The following PCBP2 variants were observed in gnomAD, a reference collection of about 807,000 sequenced individuals.
The protein encoded by PCBP2 is poly(rC)-binding protein 2.
Under a neutral mutation model 50.1 loss-of-function variants are expected in PCBP2, and 4 were observed. The observed-to-expected ratio is 0.08, with a 90% CI of 0.04 to 0.18. The LOEUF (loss-of-function observed/expected upper bound fraction) is 0.18. PCBP2 is among the 10% of genes least tolerant of loss of function. The probability of loss-of-function intolerance (pLI) is 1.00; values close to 1 mark genes in which losing one functional copy is unlikely to be tolerated. For synonymous variants in PCBP2, 179 were observed against 168.0 expected, an observed-to-expected ratio of 1.07 and a Z score of -0.51; for missense variants, 161 against 474.3, an observed-to-expected ratio of 0.34 and a Z score of 6.14.
intron 2 of PCBP2, 40 bp from the exon 3 acceptor site, chr12:53,455,306 TC>T: frequency 6.3e-7 from 1 of 1,582,426 alleles, no homozygotes; most frequent in African/African-American, 1.3e-5. Context: ...AAGGAATACT[TC>T]TGAGTTTCCT....
chr12:53,468,062 G>A (rs868049927), intron 12 of PCBP2: 29 of 549,056 alleles, frequency 5.3e-5, no homozygotes, highest in Non-Finnish European at 9.0e-5. Context: ...GCTGAGATCA[G>A]GACTAAGCTT....
At chr12:53,452,456 C>G (rs1940607238) in intron 1 of PCBP2, 80 bp downstream of exon 1, 2 of 151,086 alleles carry the variant, frequency 1.3e-5, no homozygotes, top group Admixed American at 6.6e-5. Flanking sequence ...GGCTCGGGTC[C>G]TAGTCACGAG....
chr12:53,461,897 C>G (rs563052341), intron 7 of PCBP2, among the ~76,000 whole-genome samples: 6 of 151,948 alleles, frequency 3.9e-5, no homozygotes, highest in African/African-American at 1.5e-4. Context: ...TTTGTAGAGA[C>G]GGGATTTTGC....
intron 13 of PCBP2, 53 bp downstream of exon 13, chr12:53,468,885 AATAG>A: frequency 7.4e-7 from 1 of 1,346,112 alleles, no homozygotes; most frequent in Non-Finnish European, 1.1e-6. Context: ...ACTGTAAAGA[AATAG>A]ATGTCGTTTC....
At position 53,468,019 on chromosome 12, in the gene PCBP2, C is replaced by T. The variant is rs957340718; in HGVS notation, c.826+176C>T. 5 of 601,032 alleles carry T rather than the reference C, an allele frequency of 8.3e-6. No individual in the cohort carries two copies. In the African/African-American group the frequency reaches 9.3e-5, roughly 11 times the overall value. The allele number at this position is 601,032 out of a possible 1,614,324, so 37.2% of individuals were successfully genotyped here. On this transcript the variant is annotated intron_variant, in intron 12 of 14. Transcript: ENST00000546463. The stretch of plus-strand genomic sequence containing the variant: ...AGGGTCCCTTGATGGATCTGGCCAA[C>T]CCCCTTCTAAAAATGATGAGACAGC...
At chr12:53,468,249 T>G (rs1034821449) in intron 12 of PCBP2, 2 of 197,338 alleles carry the variant, frequency 1.0e-5, no homozygotes, top group African/African-American at 4.7e-5. Flanking sequence ...CTCACCTGAC[T>G]GCCATTTCAT....
chr12:53,477,414 C>T (rs1304645040), intron 14 of PCBP2, among the ~76,000 whole-genome samples: 1 of 152,050 alleles, frequency 6.6e-6, no homozygotes, highest in Non-Finnish European at 1.5e-5. Context: ...GCCTGTAATC[C>T]CAGCACTTTG....
intron 14 of PCBP2, among the ~76,000 whole-genome samples, chr12:53,476,850 A>G (rs1179184303): frequency 6.6e-6 from 1 of 152,106 alleles, no homozygotes; most frequent in East Asian, 1.9e-4. Flanking sequence ...TCCCTTGGTA[A>G]GCTTGCTCCT....
chr12:53,469,406 A>G (rs1359368069), intron 13 of PCBP2, among the ~76,000 whole-genome samples: 2 of 152,148 alleles, frequency 1.3e-5, no homozygotes, highest in South Asian at 2.1e-4. Flanking sequence ...ATGACGAGAC[A>G]GCAGTAACTT....
chr12:53,456,398 T>C (rs769007785), intron 5 of PCBP2, among the ~76,000 whole-genome samples: 2 of 149,610 alleles, frequency 1.3e-5, no homozygotes, highest in African/African-American at 2.5e-5. Context: ...GCGGAGGTTG[T>C]GGTGAGCCGA....
chr12:53,475,407 T>C (rs1203490464), intron 14 of PCBP2: 2 of 334,872 alleles, frequency 6.0e-6, no homozygotes, highest in African/African-American at 4.3e-5. Context: ...AGTGCCTGTT[T>C]CAGGGTCTGA....
intron 8 of PCBP2, chr12:53,464,515 G>A: frequency 2.2e-6 from 1 of 459,632 alleles, no homozygotes; most frequent in Non-Finnish European, 3.8e-6. Flanking sequence ...ACCAGGAGCT[G>A]GCATCAGCTC....
chr12:53,471,313 C>A (rs867504030), intron 13 of PCBP2, among the ~76,000 whole-genome samples: 1 of 149,856 alleles, frequency 6.7e-6, no homozygotes, highest in Non-Finnish European at 1.5e-5. Context: ...GGTTCGGTGG[C>A]TTATACCTGT....
At chr12:53,453,117 C>T (rs1377454542) in intron 1 of PCBP2, 1 of 151,612 alleles carries the variant, frequency 6.6e-6, no homozygotes, top group Non-Finnish European at 1.5e-5. Context: ...GAGGGAAATT[C>T]GACAAATTTC....
chr12:53,464,498 C>T, intron 8 of PCBP2: 1 of 422,894 alleles, frequency 2.4e-6, no homozygotes, highest in Admixed American at 4.3e-5. Flanking sequence ...AACTTAATCC[C>T]ACACTGACCA....
rs1943001296 is a variant in PCBP2 at position 53,480,823 on chromosome 12, C to T, written c.*1381C>T. 6.6e-6 allele frequency: 1 copy of T among 152,566 alleles called. No homozygotes were observed. Among genetic ancestry groups the T allele is most frequent in the African/African-American group, 2.4e-5 (1 of 41,386 alleles). The allele number at this position is 152,566 out of a possible 1,614,324, so 9.5% of individuals were successfully genotyped here. A position where few individuals can be genotyped will look rare whatever the true frequency, so the allele number is the denominator to read the frequency against. ...AGAAAAGTGCAGTCTAAGTGGTTTT[C>T]TCTCCTGCCCCTCCCACCGCCCCTC... On this transcript the variant is annotated 3_prime_UTR_variant, in exon 15 of 15. Transcript: ENST00000546463.
At chr12:53,465,095 C>T (rs991389800) in intron 9 of PCBP2, 2 of 363,822 alleles carry the variant, frequency 5.5e-6, no homozygotes, top group Non-Finnish European at 9.7e-6. Context: ...CCCTCTCCCA[C>T]TCCTCCCACC....
intron 5 of PCBP2, among the ~76,000 whole-genome samples, chr12:53,456,632 C>G (rs749302158): frequency 5.9e-5 from 9 of 152,174 alleles, no homozygotes; most frequent in Non-Finnish European, 1.2e-4. Context: ...AAATAATCTT[C>G]CAATCCTGAT....
chr12:53,479,667 C>CCTGGTTTTTTTTTTTTT lies in PCBP2; in HGVS notation c.*241_*242insTCTGGTTTTTTTTTTTT, dbSNP rs1942920656. 1.6e-5 allele frequency: 1 copy of CCTGGTTTTTTTTTTTTT among 63,676 alleles called. No individual in the cohort carries two copies. Among genetic ancestry groups the CCTGGTTTTTTTTTTTTT allele is most frequent in the Admixed American group, 4.6e-4 (1 of 2,176 alleles). The allele number at this position is 63,676 out of a possible 1,614,324, so 3.9% of individuals were successfully genotyped here. A position where few individuals can be genotyped will look rare whatever the true frequency, so the allele number is the denominator to read the frequency against. On this transcript the variant is annotated 3_prime_UTR_variant, in exon 15 of 15. Transcript: ENST00000546463. ...CCATATTTAGTTTTATAAGCTTCTCCCTGGTTTTTTTTTTTTGGCTCATGA... is the reference window on the plus strand; with the variant it reads ...CCATATTTAGTTTTATAAGCTTCTCCCTGGTTTTTTTTTTTTTCTGGTTTTTTTTTTTTGGCTCATGA...
Sources: gnomAD v4.1 joint callset for allele counts (sites outside exome capture counted in the v4.1 genomes callset) on GRCh38, gnomAD v4.1.1 for gene constraint, MANE v1.5 for transcripts, NCBI Gene and HGNC (gene_info 2026-07-23, HGNC 2026-07-21) for gene names.